Variants in RAB32 observed in about 807,000 individuals in gnomAD.
The protein encoded by RAB32 is ras-related protein Rab-32.
RAB32 carries 17 observed loss-of-function variants against 17.5 expected under a neutral mutation model. That is an observed-to-expected ratio of 0.97 (90% CI 0.67 to 1.46). The LOEUF is 1.46. Among genes scored for constraint, RAB32 ranks in the 40% most tolerant of loss-of-function variants. RAB32 has a pLI of 0.00. For missense variants in RAB32, 288 were observed against 284.3 expected (o/e 1.01, Z -0.09); for synonymous variants, 115 against 111.1 (o/e 1.04, Z -0.22).
Position 146,543,899 on chromosome 6 carries a change from G to A in RAB32, c.28G>A (p.Gly10Ser). MAGGGAGDP[G>S]LGAAAAPAPE... ...GGCGGGCGGAGGAGCCGGGGACCCC[G>A]GCCTGGGGGCGGCCGCCGCCCCAGC... is the stretch of plus-strand genomic sequence containing the variant. The change falls in exon 1 of 3, where the codon GGC (glycine) becomes AGC (serine). Residue 10 changes from glycine to serine, a missense_variant. Transcript: ENST00000367495. 6.4e-7 allele frequency: 1 copy of A among 1,568,678 alleles called. No homozygotes were observed. The highest frequency in any genetic ancestry group is 8.6e-7 in the Non-Finnish European group (1 of 1,160,176).
intron 2 of RAB32, among the ~76,000 whole-genome samples, chr6:146,553,693 C>T (rs1201540342): frequency 6.6e-6 from 1 of 152,020 alleles, no homozygotes; most frequent in Non-Finnish European, 1.5e-5. Context: ...ATGTAATTTC[C>T]TGATTTTGAT....
Position 146,544,019 on chromosome 6 carries a change from T to C in RAB32, c.148T>C (p.Phe50Leu), listed in dbSNP as rs756592461. The C allele has an allele frequency of 6.2e-7, 1 of 1,613,864 alleles. No individual in the cohort carries two copies. Among genetic ancestry groups the C allele is most frequent in the Admixed American group, 1.7e-5 (1 of 60,024 alleles). Reference protein sequence around the residue: ...SIIKRYVHQLFSQHYRATIGV... With the variant: ...SIIKRYVHQLLSQHYRATIGV... ...CATCAAGCGCTACGTCCACCAGCTC[T>C]TCTCCCAGCACTACCGGGCCACCAT... The change falls in exon 1 of 3, where the codon TTC (phenylalanine) becomes CTC (leucine). Residue 50 changes from phenylalanine to leucine, a missense_variant. Physicochemically the swap from Phe to Leu is conservative, Grantham distance 22 (BLOSUM62 0). Coordinates refer to ENST00000367495, the MANE Select transcript of RAB32 (RefSeq NM_006834.5).
intron 2 of RAB32, among the ~76,000 whole-genome samples, chr6:146,552,610 G>A (rs1779910648): frequency 6.6e-6 from 1 of 152,140 alleles, no homozygotes; most frequent in South Asian, 2.1e-4. Flanking sequence ...ACACACATAT[G>A]TGTAAACAGA....
intron 2 of RAB32, among the ~76,000 whole-genome samples, chr6:146,551,537 C>T (rs1368386571): frequency 6.6e-6 from 1 of 151,142 alleles, no homozygotes. Flanking sequence ...CCTCTGTCTG[C>T]TCTGTATGCC....
At chr6:146,546,928 C>G (rs978225229) in intron 1 of RAB32, among the ~76,000 whole-genome samples, 2 of 151,678 alleles carry the variant, frequency 1.3e-5, no homozygotes, top group South Asian at 4.2e-4. Flanking sequence ...TAAGCAGATT[C>G]AGCTGAACTC....
At position 146,543,925 on chromosome 6, in the gene RAB32, G is replaced by A. The variant is rs1388424833; in HGVS notation, c.54G>A (p.Ala18=). The change falls in exon 1 of 3, where the codon GCG becomes GCA. Residue 18 remains alanine, a synonymous_variant. Transcript: ENST00000367495. ...DPGLGAAAAP[A]PETREHLFKV... is the part of the protein sequence containing the mutation. ...GCCTGGGGGCGGCCGCCGCCCCAGC[G>A]CCCGAGACCCGCGAGCACCTCTTCA... 3 of 1,600,870 alleles carry A rather than the reference G, an allele frequency of 1.9e-6. No homozygotes were observed. The highest frequency in any genetic ancestry group is 1.4e-5 in the African/African-American group (1 of 73,666).
chr6:146,554,808 G>C lies in RAB32; in HGVS notation c.*203G>C, dbSNP rs1779939271. 1 of 455,604 alleles carries C rather than the reference G, an allele frequency of 2.2e-6. No individual in the cohort carries two copies. Among genetic ancestry groups the C allele is most frequent in the Non-Finnish European group, 3.9e-6 (1 of 258,804 alleles). The allele number at this position is 455,604 out of a possible 1,614,324, so 28.2% of individuals were successfully genotyped here. On this transcript the variant is annotated 3_prime_UTR_variant, in exon 3 of 3. Coordinates refer to ENST00000367495, the MANE Select transcript of RAB32 (RefSeq NM_006834.5). ...TCTGTAACTTAACAGATGACAATTA[G>C]GCTTTTGTCATTGTTGCCATCATAT...
chr6:146,544,198 T>C, intron 1 of RAB32, 77 bp downstream of exon 1: 3 of 1,478,080 alleles, frequency 2.0e-6, no homozygotes, highest in Non-Finnish European at 2.7e-6. Flanking sequence ...TTCTTTTTCT[T>C]TTCTGCCTGA....
At position 146,544,107 on chromosome 6, in the gene RAB32, T is replaced by A. The variant is rs1021618017; in HGVS notation, c.236T>A (p.Leu79Gln). The change falls in exon 1 of 3, where the codon CTG (leucine) becomes CAG (glutamine). Residue 79 changes from leucine (L) to glutamine (Q), a missense_variant. By Grantham distance (113) the Leu-to-Gln change is moderately radical. Coordinates refer to ENST00000367495, the MANE Select transcript of RAB32 (RefSeq NM_006834.5). ...AGCAGGACTCTGGTGCGCCTGCAGC[T>A]GTGGGACATCGCGGGTAAGCGCGGC... ...WDSRTLVRLQ[L>Q]WDIAGQERFG... 2 of 1,611,530 alleles carry A rather than the reference T, an allele frequency of 1.2e-6. No homozygotes were observed. The highest frequency in any genetic ancestry group is 1.7e-6 in the Non-Finnish European group (2 of 1,178,832).
At chr6:146,552,969 G>C (rs894396933) in intron 2 of RAB32, among the ~76,000 whole-genome samples, 1 of 152,176 alleles carries the variant, frequency 6.6e-6, no homozygotes, top group Non-Finnish European at 1.5e-5. Flanking sequence ...AATAATTACT[G>C]TAATGGGTTC....
intron 2 of RAB32, among the ~76,000 whole-genome samples, chr6:146,554,046 T>C (rs1022683597): frequency 3.9e-5 from 6 of 152,174 alleles, no homozygotes; most frequent in African/African-American, 1.4e-4. Flanking sequence ...TTATCACATT[T>C]TAATGTTGTT....
Position 146,543,997 on chromosome 6 carries a change from C to T in RAB32, c.126C>T (p.Ile42=), listed in dbSNP as rs1017437641. ...GELGVGKTSI[I]KRYVHQLFSQ... is the part of the protein sequence containing the mutation. Reference sequence around the variant, plus strand: ...TTGGCGTGGGCAAGACCAGCATCATCAAGCGCTACGTCCACCAGCTCTTCT... The same window carrying T: ...TTGGCGTGGGCAAGACCAGCATCATTAAGCGCTACGTCCACCAGCTCTTCT... The change falls in exon 1 of 3, where the codon ATC becomes ATT. Residue 42 remains isoleucine (I), a synonymous_variant. Coordinates refer to ENST00000367495, the MANE Select transcript of RAB32 (RefSeq NM_006834.5). The T allele has an allele frequency of 3.7e-6, 6 of 1,613,736 alleles. No individual in the cohort carries two copies. The highest frequency in any genetic ancestry group is 3.3e-5 in the Admixed American group (2 of 59,998).
intron 1 of RAB32, among the ~76,000 whole-genome samples, chr6:146,548,514 A>G (rs1779852556): frequency 6.6e-6 from 1 of 152,192 alleles, no homozygotes; most frequent in Non-Finnish European, 1.5e-5. Context: ...ATTGCCAATC[A>G]TTTTTCCTTC....
chr6:146,552,986 T>C (rs929945676), intron 2 of RAB32, among the ~76,000 whole-genome samples: 2 of 152,200 alleles, frequency 1.3e-5, no homozygotes, highest in African/African-American at 2.4e-5. Flanking sequence ...GTTCAACTTA[T>C]AGAGTAAACT....
At chr6:146,546,112 G>T (rs576386821) in intron 1 of RAB32, among the ~76,000 whole-genome samples, 2 of 152,004 alleles carry the variant, frequency 1.3e-5, no homozygotes, top group Non-Finnish European at 2.9e-5. Context: ...TGACAGGAAG[G>T]GGTCATATCT....
In RAB32 at chr6:146,549,525, A is replaced by T; in HGVS notation, c.312A>T (p.Val104=). 6.2e-7 allele frequency: 1 copy of T among 1,614,140 alleles called. No individual in the cohort carries two copies. Among genetic ancestry groups the T allele is most frequent in the Non-Finnish European group, 8.5e-7 (1 of 1,179,972 alleles). ...ACAAGGAAGCTGTTGGTGCTTTTGT[A>T]GTCTTTGATATATCAAGAAGTTCCA... The part of the protein sequence containing the change: ...VYYKEAVGAF[V]VFDISRSSTF... The change falls in exon 2 of 3, where the codon GTA becomes GTT. Residue 104 remains valine, a synonymous_variant. Coordinates refer to ENST00000367495, the MANE Select transcript of RAB32 (RefSeq NM_006834.5).
At chr6:146,546,713 T>A (rs1779826339) in intron 1 of RAB32, among the ~76,000 whole-genome samples, 1 of 151,934 alleles carries the variant, frequency 6.6e-6, no homozygotes, top group South Asian at 2.1e-4. Context: ...TATTCTTTGA[T>A]TGCACAATAG....
intron 1 of RAB32, among the ~76,000 whole-genome samples, chr6:146,546,413 C>T (rs1450455061): frequency 6.8e-6 from 1 of 146,080 alleles, no homozygotes; most frequent in African/African-American, 2.5e-5. Context: ...AGAAAAATAG[C>T]TTAGTGAGAG....
intron 2 of RAB32, among the ~76,000 whole-genome samples, chr6:146,551,776 G>C (rs77638849): frequency 6.6e-6 from 1 of 152,010 alleles, no homozygotes; most frequent in Non-Finnish European, 1.5e-5. Context: ...GTAAGTCATC[G>C]GTTTCACTTT....
Sources: allele counts gnomAD v4.1 joint callset (sites outside exome capture counted in the v4.1 genomes callset), GRCh38; gene constraint gnomAD v4.1.1; transcripts MANE v1.5; gene names NCBI Gene and HGNC (gene_info 2026-07-23, HGNC 2026-07-21).